EIF3B: variants seen among roughly 807,000 people sequenced by gnomAD.
The protein encoded by EIF3B is eukaryotic translation initiation factor 3 subunit B.
Under a neutral mutation model 104.6 loss-of-function variants are expected in EIF3B, and 10 were observed. The ratio of observed to expected loss-of-function variants is 0.10; its 90% CI spans 0.06 to 0.16. The LOEUF (loss-of-function observed/expected upper bound fraction) is 0.16, where lower values mean the gene tolerates loss of function less well. Among genes scored for constraint, EIF3B ranks in the 10% least tolerant of loss-of-function variants. The probability of loss-of-function intolerance (pLI) is 1.00; values close to 1 mark genes in which losing one functional copy is unlikely to be tolerated. For missense variants in EIF3B, 1,014 were observed against 1,087.9 expected (o/e 0.93, Z 0.96); for synonymous variants, 542 against 417.2 (o/e 1.30, Z -3.65).
At chr7:2,359,641 G>A (rs937165177) in intron 1 of EIF3B, among the ~76,000 whole-genome samples, 2 of 152,212 alleles carry the variant, frequency 1.3e-5, no homozygotes, top group Non-Finnish European at 2.9e-5. Flanking sequence ...CCCAAGAAGC[G>A]AGGGATAGTG....
intron 6 of EIF3B, among the ~76,000 whole-genome samples, chr7:2,366,113 A>G (rs996992813): frequency 2.0e-5 from 3 of 151,960 alleles, no homozygotes; most frequent in Non-Finnish European, 4.4e-5. Flanking sequence ...TCTTGGAGAA[A>G]CCGGAGCGCC....
Position 2,375,372 on chromosome 7 carries a change from C to T in EIF3B, c.1890-17C>T. ...ATGCGTCTCCATGAAGCCTGACGGT[C>T]CTGTCTGTCTTTGCAGTATGAACGG... On this transcript the variant is annotated splice_polypyrimidine_tract_variant and intron_variant, in intron 13 of 18. Coordinates refer to ENST00000360876, the MANE Select transcript of EIF3B (RefSeq NM_001037283.2). 1 of 1,613,704 alleles carries T rather than the reference C, an allele frequency of 6.2e-7. No homozygotes were observed. Among genetic ancestry groups the T allele is most frequent in the Non-Finnish European group, 8.5e-7 (1 of 1,179,608 alleles).
chr7:2,369,405 C>A, intron 9 of EIF3B, 67 bp from the exon 10 acceptor site: 2 of 1,533,564 alleles, frequency 1.3e-6, no homozygotes, highest in South Asian at 2.3e-5. Flanking sequence ...TTGTTCTATT[C>A]TCTTCTGCTT....
intron 1 of EIF3B, among the ~76,000 whole-genome samples, chr7:2,355,721 T>C (rs1779385057): frequency 6.6e-6 from 1 of 152,110 alleles, no homozygotes; most frequent in Non-Finnish European, 1.5e-5. Flanking sequence ...GGGTACTCCG[T>C]TATGGCTGGG....
chr7:2,356,471 G>A (rs1412740613), intron 1 of EIF3B, among the ~76,000 whole-genome samples: 2 of 151,924 alleles, frequency 1.3e-5, no homozygotes, highest in Admixed American at 1.3e-4. Flanking sequence ...GCGTGGTGGC[G>A]GGCACCTGGA....
chr7:2,361,554 G>A (rs1359947710), intron 2 of EIF3B, among the ~76,000 whole-genome samples: 1 of 151,950 alleles, frequency 6.6e-6, no homozygotes, highest in Non-Finnish European at 1.5e-5. Flanking sequence ...CTAGTAGCTG[G>A]GACTACTGGC....
rs1282178494 is a variant in EIF3B at position 2,377,066 on chromosome 7, A to G, written c.2145A>G (p.Glu715=). ...GGCCTCCCACACTCCTGAGCCAGGA[A>G]CAGATCAAGGTCAGCATGCCCCCAC... ...RPRPPTLLSQ[E]QIKQIKKDLK... Residue 715 remains glutamate (E), a synonymous_variant, in exon 15 of 19, where the codon GAA becomes GAG. Coordinates refer to ENST00000360876, the MANE Select transcript of EIF3B (RefSeq NM_001037283.2). The G allele has an allele frequency of 1.2e-6, 2 of 1,611,846 alleles. No individual in the cohort carries two copies. Among genetic ancestry groups the G allele is most frequent in the East Asian group, 2.2e-5 (1 of 44,826 alleles).
In EIF3B at chr7:2,372,661, T is replaced by G. The variant is rs751464885; in HGVS notation, c.1688-12T>G. Reference sequence around the variant, plus strand: ...TGACCAAAAAGGGAGGGGTCTGTTTTGTGCATTTTAGAAACCATCATAGCC... The same window carrying G: ...TGACCAAAAAGGGAGGGGTCTGTTTGGTGCATTTTAGAAACCATCATAGCC... On this transcript the variant is annotated splice_polypyrimidine_tract_variant and intron_variant, in intron 11 of 18. Transcript: ENST00000360876. 6.2e-7 allele frequency: 1 copy of G among 1,613,510 alleles called. No homozygotes were observed. The highest frequency in any genetic ancestry group is 8.5e-7 in the Non-Finnish European group (1 of 1,179,532).
Position 2,377,118 on chromosome 7 carries a change from A to G in EIF3B, c.2154+43A>G, listed in dbSNP as rs199720348. The G allele has an allele frequency of 1.3e-4, 202 of 1,561,166 alleles. No homozygotes were observed. In the African/African-American group the frequency reaches 1.4e-3, roughly 11 times the overall value. ...CCCGGGTGCAGGGCACATGGAGGCA[A>G]TTGTGGCGTTGAAAAGGTGTCAGTT... On this transcript the variant is annotated intron_variant, in intron 15 of 18. Coordinates refer to ENST00000360876, the MANE Select transcript of EIF3B (RefSeq NM_001037283.2).
At chr7:2,378,638 G>C (rs567830733) in intron 15 of EIF3B, 51 bp from the exon 16 acceptor site, 14 of 1,533,442 alleles carry the variant, frequency 9.1e-6, no homozygotes, top group South Asian at 6.7e-5. Context: ...GATTGCATTT[G>C]TGCTTGTTGC....
At chr7:2,365,176 C>G (rs1456841996) in intron 6 of EIF3B, among the ~76,000 whole-genome samples, 1 of 152,236 alleles carries the variant, frequency 6.6e-6, no homozygotes, top group Non-Finnish European at 1.5e-5. Context: ...GTCTTGAACC[C>G]CTGGGCTCAA....
rs763277089 is a variant in EIF3B, at chr7:2,371,771, A to G, written c.1615-6A>G. The G allele has an allele frequency of 6.2e-7, 1 of 1,606,880 alleles. No homozygotes were observed. The highest frequency in any genetic ancestry group is 1.7e-5 in the Admixed American group (1 of 59,502). ...ATGTCACCCCTTCCCCCTTTTTTTT[A>G]AACAGGGTGTTGTCACAAATTTTGA... On this transcript the variant is annotated splice_region_variant and splice_polypyrimidine_tract_variant and intron_variant, in intron 10 of 18. Coordinates refer to ENST00000360876, the MANE Select transcript of EIF3B (RefSeq NM_001037283.2).
At chr7:2,378,535 C>T (rs955109906) in intron 15 of EIF3B, 154 bp from the exon 16 acceptor site, 1 of 612,322 alleles carries the variant, frequency 1.6e-6, no homozygotes, top group Admixed American at 2.6e-5. Context: ...GTGAATGACC[C>T]TGGGTGTCAT....
intron 1 of EIF3B, among the ~76,000 whole-genome samples, chr7:2,359,730 C>A (rs1562476178): frequency 6.6e-6 from 1 of 152,176 alleles, no homozygotes; most frequent in Non-Finnish European, 1.5e-5. Context: ...AAATGGGGGC[C>A]AGTCTTTGGG....
In EIF3B at chr7:2,371,998, G is replaced by A. The variant is rs564815023; in HGVS notation, c.1687+149G>A. 3.9e-4 allele frequency: 260 copies of A among 667,348 alleles called. No individual in the cohort carries two copies. In the African/African-American group the frequency reaches 4.1e-3, roughly 10 times the overall value. The allele number at this position is 667,348 out of a possible 1,614,324, so 41.3% of individuals were successfully genotyped here. A position where few individuals can be genotyped will look rare whatever the true frequency, so the allele number is the denominator to read the frequency against. ...AATAGTCATCTCCAGGTCACAGAACGTGTTTAGAGCCTGGGCAACATAGTG... is the reference window on the plus strand; with the variant it reads ...AATAGTCATCTCCAGGTCACAGAACATGTTTAGAGCCTGGGCAACATAGTG... On this transcript the variant is annotated intron_variant, in intron 11 of 18. Coordinates refer to ENST00000360876, the MANE Select transcript of EIF3B (RefSeq NM_001037283.2).
In EIF3B at chr7:2,377,086, C is replaced by T. The variant is rs1270182528; in HGVS notation, c.2154+11C>T. ...CAGGAACAGATCAAGGTCAGCATGCCCCCACCCCCGGGTGCAGGGCACATG... is the reference window on the plus strand; with the variant it reads ...CAGGAACAGATCAAGGTCAGCATGCTCCCACCCCCGGGTGCAGGGCACATG... On this transcript the variant is annotated intron_variant, in intron 15 of 18. Coordinates refer to ENST00000360876, the MANE Select transcript of EIF3B (RefSeq NM_001037283.2). The T allele has an allele frequency of 6.2e-7, 1 of 1,600,304 alleles. No individual in the cohort carries two copies. Among genetic ancestry groups the T allele is most frequent in the Non-Finnish European group, 8.5e-7 (1 of 1,170,188 alleles).
intron 3 of EIF3B, 62 bp downstream of exon 3, chr7:2,362,826 GGT>G: frequency 6.2e-7 from 1 of 1,606,152 alleles, no homozygotes; most frequent in South Asian, 1.1e-5. Flanking sequence ...GCTGTGTGCG[GGT>G]GGCTTGGTGC....
chr7:2,377,315 A>G (rs992835643), intron 15 of EIF3B, among the ~76,000 whole-genome samples: 1 of 152,258 alleles, frequency 6.6e-6, no homozygotes, highest in Non-Finnish European at 1.5e-5. Context: ...AGGGGTGGAT[A>G]AAAAGATGCC....
chr7:2,379,695 C>T (rs1324412532), intron 18 of EIF3B, 184 bp downstream of exon 18: 4 of 580,946 alleles, frequency 6.9e-6, no homozygotes, highest in Non-Finnish European at 9.3e-6. Flanking sequence ...GCCTCGACTG[C>T]GCCCTCTGAC....
Sources: allele counts gnomAD v4.1 joint callset (sites outside exome capture counted in the v4.1 genomes callset), GRCh38; gene constraint gnomAD v4.1.1; transcripts MANE v1.5; gene names NCBI Gene and HGNC (gene_info 2026-07-23, HGNC 2026-07-21).